The following TSHR variants were observed in gnomAD, a reference collection of about 807,000 sequenced individuals.
The protein encoded by TSHR is thyroid stimulating hormone receptor.
Under a neutral mutation model 64.1 loss-of-function variants are expected in TSHR, and 51 were observed. That is an observed-to-expected ratio of 0.80 (90% CI 0.64 to 1.01). The LOEUF (loss-of-function observed/expected upper bound fraction) is 1.01. Ranked by LOEUF, TSHR falls within the 50% of genes least tolerant of loss-of-function variation. The pLI is 0.00. For synonymous variants in TSHR, 361 were observed against 361.9 expected (o/e 1.00, Z 0.03); for missense variants, 877 against 942.8 (o/e 0.93, Z 0.91).
chr14:81,103,857 A>G lies in TSHR; in HGVS notation c.615-4518A>G, dbSNP rs1193882096. 6 of 985,328 alleles carry G rather than the reference A, an allele frequency of 6.1e-6. No individual in the cohort carries two copies. In the African/African-American group the frequency reaches 1.0e-4, roughly 17 times the overall value. The allele number at this position is 985,328 out of a possible 1,614,324, so 61.0% of individuals were successfully genotyped here. A position where few individuals can be genotyped will look rare whatever the true frequency, so the allele number is the denominator to read the frequency against. On this transcript the variant is annotated intron_variant, in intron 7 of 9. Coordinates refer to ENST00000298171, the MANE Select transcript of TSHR (RefSeq NM_000369.5). This position sits in a 1 kb window ranked among gnomAD's most constrained non-coding sequence, Gnocchi z 4.1. ...TATTGTCAAACTCTAGTAACTAGCT[A>G]CTATCTGACAGTAAACATTTAGGCA...
At chr14:80,999,688 C>T (rs1308282204) in intron 1 of TSHR, among the ~76,000 whole-genome samples, 1 of 152,024 alleles carries the variant, frequency 6.6e-6, no homozygotes, top group Non-Finnish European at 1.5e-5. Context: ...AGAAAATGCC[C>T]AATGAAGTCA....
chr14:81,102,302 G>C (rs1566815035), intron 7 of TSHR, among the ~76,000 whole-genome samples: 1 of 152,296 alleles, frequency 6.6e-6, no homozygotes, highest in Admixed American at 6.5e-5. Context: ...GATTCTGTGG[G>C]AGGCTTAGCT....
At chr14:81,083,242 G>A (rs1471457382) in intron 3 of TSHR, among the ~76,000 whole-genome samples, 11 of 152,082 alleles carry the variant, frequency 7.2e-5, no homozygotes. Flanking sequence ...ATTAATCAAT[G>A]TTTCTTAGGG....
At chr14:80,961,302 A>G (rs1181056384) in intron 1 of TSHR, among the ~76,000 whole-genome samples, 1 of 152,230 alleles carries the variant, frequency 6.6e-6, no homozygotes, top group Admixed American at 6.5e-5. Flanking sequence ...CTAGTGTGGG[A>G]GCTGCATATT....
intron 1 of TSHR, among the ~76,000 whole-genome samples, chr14:80,964,477 A>T (rs1887193791): frequency 6.6e-6 from 1 of 152,218 alleles, no homozygotes; most frequent in Non-Finnish European, 1.5e-5. Flanking sequence ...AGAGCTGAGA[A>T]ATTAAGTTGA....
intron 8 of TSHR, among the ~76,000 whole-genome samples, chr14:81,129,010 T>C (rs1167098712): frequency 1.3e-5 from 2 of 152,116 alleles, no homozygotes; most frequent in Non-Finnish European, 2.9e-5. Context: ...TAACCCTATA[T>C]ATAATATTTT....
At chr14:81,138,543 T>TA (rs1325798284) in intron 8 of TSHR, among the ~76,000 whole-genome samples, 7 of 152,078 alleles carry the variant, frequency 4.6e-5, no homozygotes, top group Non-Finnish European at 1.0e-4. Flanking sequence ...AGATTATATA[T>TA]TTTTTTAATT....
intron 1 of TSHR, among the ~76,000 whole-genome samples, chr14:80,997,927 T>C (rs1445205565): frequency 1.3e-5 from 2 of 152,146 alleles, no homozygotes; most frequent in Non-Finnish European, 2.9e-5. Context: ...GATGAGACTG[T>C]TTGTCTGAAC....
intron 8 of TSHR, among the ~76,000 whole-genome samples, chr14:81,136,950 C>G (rs1469262647): frequency 6.6e-6 from 1 of 152,200 alleles, no homozygotes; most frequent in Non-Finnish European, 1.5e-5. Flanking sequence ...AAGACTAGCT[C>G]CTGGGACACT....
chr14:81,068,592 T>C, intron 3 of TSHR: 1 of 441,202 alleles, frequency 2.3e-6, no homozygotes, highest in Non-Finnish European at 4.2e-6. Flanking sequence ...TGTCAGCATA[T>C]TTTATTGATG....
chr14:80,998,772 G>A (rs1889153055), intron 1 of TSHR, among the ~76,000 whole-genome samples: 2 of 151,966 alleles, frequency 1.3e-5, no homozygotes, highest in Admixed American at 1.3e-4. Context: ...TATTTTATAA[G>A]GATAATGAGT....
Position 81,005,187 on chromosome 14 carries a change from A to G in TSHR, c.170+49337A>G, listed in dbSNP as rs188602266. The stretch of plus-strand genomic sequence containing the variant: ...TTTCTCCTGCCTTCTCATGAAGGGG[A>G]CTCAAGCCTTTGTGTGTGTGTGTGT... On this transcript the variant is annotated intron_variant, in intron 1 of 9. Coordinates refer to ENST00000298171, the MANE Select transcript of TSHR (RefSeq NM_000369.5). Among the ~76,000 whole-genome samples, 132 of 148,730 alleles carry G rather than the reference A, an allele frequency of 8.9e-4. 2 individuals are homozygous for G. The East Asian group carries it at 0.021, about 24-fold the overall frequency.
At chr14:81,053,906 T>C (rs551883924) in intron 1 of TSHR, 1 of 152,314 alleles carries the variant, frequency 6.6e-6, no homozygotes, top group East Asian at 1.9e-4. Flanking sequence ...CTCAGAAACA[T>C]TATGTTGAAT....
chr14:81,138,134 T>C (rs1173065309), intron 8 of TSHR, among the ~76,000 whole-genome samples: 4 of 152,024 alleles, frequency 2.6e-5, no homozygotes, highest in East Asian at 1.9e-4. Context: ...AGTTTATAAA[T>C]GTCTAATGTT....
chr14:80,955,956 G>A (rs997843148), intron 1 of TSHR, 106 bp downstream of exon 1: 1 of 1,378,742 alleles, frequency 7.3e-7, no homozygotes, highest in Admixed American at 1.7e-5. Context: ...AGTAGTGTGT[G>A]AGTGTGTGTA....
intron 1 of TSHR, among the ~76,000 whole-genome samples, chr14:81,028,470 G>A (rs1013995151): frequency 2.6e-5 from 4 of 152,052 alleles, no homozygotes; most frequent in Non-Finnish European, 2.9e-5. Flanking sequence ...ATCAAGAAAG[G>A]ATCTCTGATA....
At chr14:81,061,284 T>G (rs575250199) in intron 1 of TSHR, among the ~76,000 whole-genome samples, 1 of 152,290 alleles carries the variant, frequency 6.6e-6, no homozygotes, top group South Asian at 2.1e-4. Flanking sequence ...CATTGAAAAG[T>G]ACATGCTATA....
intron 1 of TSHR, among the ~76,000 whole-genome samples, chr14:81,019,108 C>A (rs1008978279): frequency 1.3e-5 from 2 of 152,054 alleles, no homozygotes; most frequent in Non-Finnish European, 2.9e-5. Flanking sequence ...TATGATAAAT[C>A]ATATAACATG....
At chr14:80,990,288 A>T (rs571465952) in intron 1 of TSHR, among the ~76,000 whole-genome samples, 1 of 152,364 alleles carries the variant, frequency 6.6e-6, no homozygotes, top group Admixed American at 6.5e-5. Context: ...ACATCCAAGC[A>T]AGGTATCTGT....
Sources: gnomAD v4.1 joint callset for allele counts (sites outside exome capture counted in the v4.1 genomes callset) on GRCh38, gnomAD v4.1.1 for gene constraint, Gnocchi (gnomAD v3.1) non-coding constraint, MANE v1.5 for transcripts, NCBI Gene and HGNC (gene_info 2026-07-23, HGNC 2026-07-21) for gene names.